CHCHD1: variants seen among roughly 807,000 people sequenced by gnomAD.
The protein encoded by CHCHD1 is coiled-coil-helix-coiled-coil-helix domain containing 1, also known as small ribosomal subunit protein mS37.
Under a neutral mutation model 12.7 loss-of-function variants are expected in CHCHD1, and 12 were observed. The observed-to-expected ratio is 0.95, with a 90% CI of 0.61 to 1.53. The LOEUF is 1.53. Among genes scored for constraint, CHCHD1 ranks in the 40% most tolerant of loss-of-function variants. The probability of loss-of-function intolerance (pLI) is 0.00; values close to 1 mark genes in which losing one functional copy is unlikely to be tolerated. For synonymous variants in CHCHD1, 57 were observed against 62.4 expected (o/e 0.91, Z 0.41); for missense variants, 151 against 155.8 (o/e 0.97, Z 0.17).
In CHCHD1 at chr10:73,782,098, G is replaced by A. The variant is rs2132607251; in HGVS notation, c.23G>A (p.Gly8Asp). MATPSLR[G>D]RLARFGNPRK... ...GCTATGGCGACACCCAGCCTGCGGG[G>A]TCGTCTGGCGCGGTTTGGGAACCCG... The change falls in exon 1 of 3, where the codon GGT becomes GAT. Residue 8 changes from glycine (G) to aspartate (D), a missense_variant. By Grantham distance (94) the Gly-to-Asp change is moderately conservative. Transcript: ENST00000372833. The A allele has an allele frequency of 6.2e-7, 1 of 1,613,254 alleles. No individual in the cohort carries two copies. Among genetic ancestry groups the A allele is most frequent in the African/African-American group, 1.3e-5 (1 of 75,046 alleles).
At position 73,782,123 on chromosome 10, in the gene CHCHD1, G is replaced by T; in HGVS notation, c.48G>T (p.Pro16=). 6 of 1,613,362 alleles carry T rather than the reference G, an allele frequency of 3.7e-6. No individual in the cohort carries two copies. Among genetic ancestry groups the T allele is most frequent in the Non-Finnish European group, 4.2e-6 (5 of 1,179,954 alleles). ...GTCGTCTGGCGCGGTTTGGGAACCCGCGGAAGCCTGTGCTGAAGCCCAATA... is the reference window on the plus strand; with the variant it reads ...GTCGTCTGGCGCGGTTTGGGAACCCTCGGAAGCCTGTGCTGAAGCCCAATA... ...LRGRLARFGN[P]RKPVLKPNKP... Residue 16 remains proline (P), a synonymous_variant, in exon 1 of 3, where the codon CCG becomes CCT. Coordinates refer to ENST00000372833, the MANE Select transcript of CHCHD1 (RefSeq NM_203298.3).
chr10:73,782,432 G>A lies in CHCHD1; in HGVS notation c.234G>A (p.Ala78=), dbSNP rs1386600703. The change falls in exon 2 of 3, where the codon GCG becomes GCA. Residue 78 remains alanine (A), a synonymous_variant. Transcript: ENST00000372833. ...TCCAGGGCTTCCTCGATTGTGCCGC[G>A]AGGGCTCAGGTGACCGATGGCTCCT... ...KEIQGFLDCA[A]RAQEARKMRS... 2.5e-6 allele frequency: 4 copies of A among 1,614,228 alleles called. No individual in the cohort carries two copies. In the East Asian group the frequency reaches 6.7e-5, roughly 27 times the overall value.
intron 2 of CHCHD1, 44 bp from the exon 3 acceptor site, chr10:73,783,030 C>A: frequency 6.7e-7 from 1 of 1,483,554 alleles, no homozygotes. Context: ...CTGGACTAGA[C>A]AAACTGTAGA....
At chr10:73,782,897 C>A (rs1218675864) in intron 2 of CHCHD1, 177 bp from the exon 3 acceptor site, 7 of 621,278 alleles carry the variant, frequency 1.1e-5, no homozygotes, top group Non-Finnish European at 2.0e-5. Flanking sequence ...TGAAAAGAGG[C>A]TGACATAGAT....
At chr10:73,782,640 T>C in intron 2 of CHCHD1, 199 bp downstream of exon 2, 2 of 1,375,212 alleles carry the variant, frequency 1.5e-6, no homozygotes, top group Non-Finnish European at 1.9e-6. Context: ...TTCGAGTTAC[T>C]GTACGTAAAA....
chr10:73,782,228 G>C, intron 1 of CHCHD1, 29 bp downstream of exon 1: 1 of 1,612,800 alleles, frequency 6.2e-7, no homozygotes, highest in Admixed American at 1.7e-5. Flanking sequence ...GACGGCCCCG[G>C]AGCGGAAGCC....
chr10:73,782,787 AAAT>A, intron 2 of CHCHD1: 3 of 568,504 alleles, frequency 5.3e-6, no homozygotes, highest in South Asian at 2.4e-5. Flanking sequence ...GACTAAAACT[AAAT>A]AATGACAATA....
At chr10:73,782,286 T>C in intron 1 of CHCHD1, 37 bp from the exon 2 acceptor site, 1 of 1,610,236 alleles carries the variant, frequency 6.2e-7, no homozygotes, top group Non-Finnish European at 8.5e-7. Flanking sequence ...AGGTGGGTCT[T>C]CTTGTGACTG....
chr10:73,782,931 C>T lies in CHCHD1; in HGVS notation c.244-143C>T. The T allele has an allele frequency of 4.2e-6, 3 of 709,198 alleles. No homozygotes were observed. The South Asian group carries it at 5.0e-5, about 12-fold the overall frequency. The allele number at this position is 709,198 out of a possible 1,614,324, so 43.9% of individuals were successfully genotyped here. A position where few individuals can be genotyped will look rare whatever the true frequency, so the allele number is the denominator to read the frequency against. On this transcript the variant is annotated intron_variant, in intron 2 of 2. Coordinates refer to ENST00000372833, the MANE Select transcript of CHCHD1 (RefSeq NM_203298.3). ...ATCTCTCCAGGCTGGTTAACATCTT[C>T]ATGTGCTTTAGGGCATTGTGAGAAC...
At chr10:73,782,530 CT>C in intron 2 of CHCHD1, 89 bp downstream of exon 2, 1 of 1,588,470 alleles carries the variant, frequency 6.3e-7, no homozygotes. Context: ...AGGAAAGGCC[CT>C]TTCATTCATT....
rs1036146632 is a variant in CHCHD1, at chr10:73,783,489, T to C, written c.*302T>C. On this transcript the variant is annotated 3_prime_UTR_variant, in exon 3 of 3. Coordinates refer to ENST00000372833, the MANE Select transcript of CHCHD1 (RefSeq NM_203298.3). ...GCAGGACAAATACCGTTGTATTGTC[T>C]TTCCCTGCATTTGAAGTCTTTTACA... 1 of 244,280 alleles carries C rather than the reference T, an allele frequency of 4.1e-6. No individual in the cohort carries two copies. Among genetic ancestry groups the C allele is most frequent in the Non-Finnish European group, 7.9e-6 (1 of 126,464 alleles). 15.1% of individuals were successfully genotyped at this position (244,280 alleles called of 1,614,324 possible).
At chr10:73,782,984 T>G in intron 2 of CHCHD1, 90 bp from the exon 3 acceptor site, 1 of 989,852 alleles carries the variant, frequency 1.0e-6, no homozygotes, top group Non-Finnish European at 1.6e-6. Flanking sequence ...ACAAACTTGA[T>G]TGATTGATTG....
intron 2 of CHCHD1, 32 bp downstream of exon 2, chr10:73,782,473 GAAAAGA>G: frequency 6.2e-7 from 1 of 1,613,574 alleles, no homozygotes; most frequent in Non-Finnish European, 8.5e-7. Context: ...GCTTTCTCAG[GAAAAGA>G]ATGGGGGAGA....
In CHCHD1 at chr10:73,782,058, C is replaced by T; in HGVS notation, c.-18C>T. The T allele has an allele frequency of 6.2e-7, 1 of 1,612,188 alleles. No individual in the cohort carries two copies. Among genetic ancestry groups the T allele is most frequent in the Non-Finnish European group, 8.5e-7 (1 of 1,179,610 alleles). On this transcript the variant is annotated 5_prime_UTR_variant, in exon 1 of 3. Transcript: ENST00000372833. Reference sequence around the variant, plus strand: ...GTCACGCACGGAACCGCAAAGCCTGCCGGGAGCTTGGTGCGCTATGGCGAC... The same window carrying T: ...GTCACGCACGGAACCGCAAAGCCTGTCGGGAGCTTGGTGCGCTATGGCGAC...
At position 73,783,530 on chromosome 10, in the gene CHCHD1, G is replaced by T; in HGVS notation, c.*343G>T. ...GTCTTTTACACCATTTAGTGCCCTT[G>T]CTTTTGGATGCAATAAGGAAGTTGA... is the stretch of plus-strand genomic sequence containing the variant. On this transcript the variant is annotated 3_prime_UTR_variant, in exon 3 of 3. Coordinates refer to ENST00000372833, the MANE Select transcript of CHCHD1 (RefSeq NM_203298.3). 1 of 180,414 alleles carries T rather than the reference G, an allele frequency of 5.5e-6. No homozygotes were observed. The highest frequency in any genetic ancestry group is 1.2e-4 in the South Asian group (1 of 8,556). The allele number at this position is 180,414 out of a possible 1,614,324, so 11.2% of individuals were successfully genotyped here. A position where few individuals can be genotyped will look rare whatever the true frequency, so the allele number is the denominator to read the frequency against.
rs761337073 is a variant in CHCHD1, at chr10:73,782,149, A to C, written c.74A>C (p.Lys25Thr). 3 of 1,613,760 alleles carry C rather than the reference A, an allele frequency of 1.9e-6. No homozygotes were observed. The Admixed American group carries it at 5.0e-5, about 27-fold the overall frequency. The change falls in exon 1 of 3, where the codon AAA becomes ACA. Residue 25 changes from lysine (K) to threonine (T), a missense_variant. Transcript: ENST00000372833. ...NPRKPVLKPN[K>T]PLILANRVGE... ...CGGAAGCCTGTGCTGAAGCCCAATA[A>C]ACCTCTCATTCTAGCTAACCGCGTC... is the stretch of plus-strand genomic sequence containing the variant.
Position 73,782,086 on chromosome 10 carries a change from C to T in CHCHD1, c.11C>T (p.Pro4Leu). MATPSLRGRLARFG... is the reference protein window; with the variant it reads MATLSLRGRLARFG... ...GGAGCTTGGTGCGCTATGGCGACAC[C>T]CAGCCTGCGGGGTCGTCTGGCGCGG... The change falls in exon 1 of 3, where the codon CCC (proline) becomes CTC (leucine). Residue 4 changes from proline to leucine, a missense_variant. Transcript: ENST00000372833. The T allele has an allele frequency of 6.2e-7, 1 of 1,613,258 alleles. No homozygotes were observed.
chr10:73,782,788 A>T, intron 2 of CHCHD1: 1 of 566,476 alleles, frequency 1.8e-6, no homozygotes, highest in Non-Finnish European at 3.0e-6. Context: ...ACTAAAACTA[A>T]ATAATGACAA....
chr10:73,782,532 T>C (rs760414434), intron 2 of CHCHD1, 91 bp downstream of exon 2: 14 of 1,587,640 alleles, frequency 8.8e-6, no homozygotes, highest in Non-Finnish European at 1.2e-5. Context: ...GAAAGGCCCT[T>C]TCATTCATTT....
Sources: gnomAD v4.1 joint callset for allele counts on GRCh38, gnomAD v4.1.1 for gene constraint, MANE v1.5 for transcripts, NCBI Gene and HGNC (gene_info 2026-07-23, HGNC 2026-07-21) for gene names.